GRIN2B: variants seen among roughly 807,000 people sequenced by gnomAD.
GRIN2B encodes glutamate ionotropic receptor NMDA type subunit 2B, also known as glutamate receptor ionotropic, NMDA 2B.
Under a neutral mutation model 114.5 loss-of-function variants are expected in GRIN2B, and 5 were observed. The ratio of observed to expected loss-of-function variants is 0.04; its 90% CI spans 0.02 to 0.09. GRIN2B has a LOEUF of 0.09. Ranked by LOEUF, GRIN2B falls within the 10% of genes least tolerant of loss-of-function variation. GRIN2B has a pLI of 1.00. For missense variants in GRIN2B, 1,108 were observed against 1,943.5 expected (o/e 0.57, Z 8.08); for synonymous variants, 787 against 745.1 (o/e 1.06, Z -0.92).
At chr12:13,623,850 A>G (rs1949542548) in intron 5 of GRIN2B, among the ~76,000 whole-genome samples, 1 of 152,188 alleles carries the variant, frequency 6.6e-6, no homozygotes, top group African/African-American at 2.4e-5. Flanking sequence ...TTGTAAAACA[A>G]TCTACCCCAT....
At chr12:13,660,984 G>A (rs1949917022) in intron 5 of GRIN2B, among the ~76,000 whole-genome samples, 1 of 152,118 alleles carries the variant, frequency 6.6e-6, no homozygotes, top group African/African-American at 2.4e-5. Context: ...ATATCACTCT[G>A]TTTTTAATTG....
chr12:13,944,208 T>C (rs1348804726), intron 2 of GRIN2B, among the ~76,000 whole-genome samples: 1 of 152,222 alleles, frequency 6.6e-6, no homozygotes, highest in Non-Finnish European at 1.5e-5. Flanking sequence ...ATTTCCTTCC[T>C]ATAAGTGCCT....
At chr12:13,739,830 A>C (rs773216963) in intron 4 of GRIN2B, among the ~76,000 whole-genome samples, 5 of 152,178 alleles carry the variant, frequency 3.3e-5, no homozygotes, top group Non-Finnish European at 7.3e-5. Flanking sequence ...AAATCATGCT[A>C]TGAAGAGGAA....
At chr12:13,605,561 A>T (rs1441034543) in intron 10 of GRIN2B, among the ~76,000 whole-genome samples, 5 of 127,656 alleles carry the variant, frequency 3.9e-5, no homozygotes, top group African/African-American at 6.2e-5. Context: ...TGACACACAC[A>T]CACACACACA....
intron 2 of GRIN2B, among the ~76,000 whole-genome samples, chr12:13,931,819 G>T (rs1404702173): frequency 6.6e-6 from 1 of 152,110 alleles, no homozygotes; most frequent in Non-Finnish European, 1.5e-5. Flanking sequence ...ACCTCCGCAA[G>T]TTAAGTCAGC....
chr12:13,682,892 T>C (rs747546581), intron 4 of GRIN2B, among the ~76,000 whole-genome samples: 10 of 152,108 alleles, frequency 6.6e-5, no homozygotes, highest in Non-Finnish European at 1.0e-4. Flanking sequence ...GTTTCACAAC[T>C]GAATACCATG....
intron 4 of GRIN2B, among the ~76,000 whole-genome samples, chr12:13,681,550 A>G (rs1950131683): frequency 1.3e-5 from 2 of 152,182 alleles, no homozygotes; most frequent in Admixed American, 6.6e-5. Flanking sequence ...ACTTTGTATC[A>G]TGCATGTGTC....
At chr12:13,859,040 A>G (rs1479734419) in intron 3 of GRIN2B, among the ~76,000 whole-genome samples, 2 of 152,230 alleles carry the variant, frequency 1.3e-5, no homozygotes, top group African/African-American at 4.8e-5. Context: ...TATACTAAGC[A>G]CCAACTGTCT....
rs528419127 is a variant in GRIN2B, at chr12:13,541,800, A to C, written c.*20983T>G. 57 of 152,316 alleles carry C rather than the reference A, an allele frequency of 3.7e-4. No homozygotes were observed. Among genetic ancestry groups the C allele is most frequent in the African/African-American group, 1.3e-3 (56 of 41,564 alleles). 9.4% of individuals were successfully genotyped at this position (152,316 alleles called of 1,614,324 possible). A position where few individuals can be genotyped will look rare whatever the true frequency, so the allele number is the denominator to read the frequency against. ...GGTTTGGAAAAATAGTTCACTAGAA[A>C]TGGCCTAACAGTTTCTCTTCTCAAA... On this transcript the variant is annotated 3_prime_UTR_variant, in exon 14 of 14. Transcript: ENST00000609686.
chr12:13,921,076 A>T (rs1433473323), intron 2 of GRIN2B, among the ~76,000 whole-genome samples: 1 of 152,162 alleles, frequency 6.6e-6, no homozygotes, highest in Non-Finnish European at 1.5e-5. Context: ...AATCACTGAA[A>T]CATCATAGGG....
At chr12:13,883,539 C>G (rs1866100869) in intron 2 of GRIN2B, among the ~76,000 whole-genome samples, 1 of 151,984 alleles carries the variant, frequency 6.6e-6, no homozygotes, top group Non-Finnish European at 1.5e-5. Flanking sequence ...TGAGTCGAAT[C>G]TCCTGCCAAC....
chr12:13,665,183 G>C (rs1949962853), intron 5 of GRIN2B, among the ~76,000 whole-genome samples: 1 of 151,650 alleles, frequency 6.6e-6, no homozygotes, highest in African/African-American at 2.4e-5. Context: ...GTGTGTGTGT[G>C]TGTGTGTGAT....
chr12:13,777,215 A>G (rs1864021956), intron 3 of GRIN2B, among the ~76,000 whole-genome samples: 1 of 152,214 alleles, frequency 6.6e-6, no homozygotes. Flanking sequence ...CAGAAAATAA[A>G]GAGTTAAAAA....
rs1040869296 is a variant in GRIN2B at position 13,556,320 on chromosome 12, T to C, written c.*6463A>G. On this transcript the variant is annotated 3_prime_UTR_variant, in exon 14 of 14. Coordinates refer to ENST00000609686, the MANE Select transcript of GRIN2B (RefSeq NM_000834.5). ...ATGTATAATCATACAAATGTATGCA[T>C]ACCTATTTATACATACATTTACATA... 3.9e-5 allele frequency: 6 copies of C among 152,232 alleles called. No homozygotes were observed. Among genetic ancestry groups the C allele is most frequent in the Non-Finnish European group, 7.3e-5 (5 of 68,042 alleles). 9.4% of individuals were successfully genotyped at this position (152,232 alleles called of 1,614,324 possible).
At chr12:13,837,482 G>A (rs1034285231) in intron 3 of GRIN2B, among the ~76,000 whole-genome samples, 4 of 152,306 alleles carry the variant, frequency 2.6e-5, no homozygotes, top group South Asian at 2.1e-4. Flanking sequence ...TCAGAAGGGC[G>A]CCCTTCTCAG....
At chr12:13,831,574 G>A (rs540809576) in intron 3 of GRIN2B, among the ~76,000 whole-genome samples, 1 of 152,244 alleles carries the variant, frequency 6.6e-6, no homozygotes, top group East Asian at 1.9e-4. Flanking sequence ...GGATTGAAAG[G>A]GACTGAAATT....
intron 10 of GRIN2B, among the ~76,000 whole-genome samples, chr12:13,585,916 G>A (rs765204901): frequency 3.3e-5 from 5 of 152,164 alleles, no homozygotes; most frequent in East Asian, 1.9e-4. Flanking sequence ...AGCAAGATAC[G>A]GCAGACATTT....
At chr12:13,754,010 G>C (rs1263001589) in intron 3 of GRIN2B, 95 bp from the exon 4 acceptor site, 1 of 731,684 alleles carries the variant, frequency 1.4e-6, no homozygotes, top group East Asian at 2.7e-5. Flanking sequence ...AAAGATTTGT[G>C]TTCATTACTT....
At chr12:13,923,721 C>A (rs1331865779) in intron 2 of GRIN2B, among the ~76,000 whole-genome samples, 1 of 152,134 alleles carries the variant, frequency 6.6e-6, no homozygotes, top group Non-Finnish European at 1.5e-5. Context: ...ATGCCGCCAT[C>A]TTTGCTTGGG....
Sources: gnomAD v4.1 joint callset for allele counts (sites outside exome capture counted in the v4.1 genomes callset) on GRCh38, gnomAD v4.1.1 for gene constraint, MANE v1.5 for transcripts, NCBI Gene and HGNC (gene_info 2026-07-23, HGNC 2026-07-21) for gene names.